The following CAPN8 variants were observed in gnomAD, a reference collection of about 807,000 sequenced individuals.
CAPN8 encodes calpain-8.
CAPN8 carries 87 observed loss-of-function variants against 80.9 expected under a neutral mutation model. The ratio of observed to expected loss-of-function variants is 1.07; its 90% CI spans 0.90 to 1.28. CAPN8 has a LOEUF of 1.28. Among genes scored for constraint, CAPN8 ranks in the 50% most tolerant of loss-of-function variants. The probability of loss-of-function intolerance (pLI) is 0.00; values close to 1 mark genes in which losing one functional copy is unlikely to be tolerated. For synonymous variants in CAPN8, 299 were observed against 273.8 expected, an observed-to-expected ratio of 1.09 and a Z score of -0.91; for missense variants, 757 against 702.0, an observed-to-expected ratio of 1.08 and a Z score of -0.89.
chr1:223,643,084 T>C (rs1265347259), intron 2 of CAPN8, among the ~76,000 whole-genome samples: 1 of 152,224 alleles, frequency 6.6e-6, no homozygotes, highest in East Asian at 1.9e-4. Context: ...ATTATAATGC[T>C]CTTTGGTTTC....
intron 6 of CAPN8, among the ~76,000 whole-genome samples, chr1:223,624,921 C>T (rs1657518739): frequency 6.6e-6 from 1 of 151,564 alleles, no homozygotes; most frequent in Non-Finnish European, 1.5e-5. Context: ...AGTGAAACCC[C>T]GTCTCTACTA....
chr1:223,548,623 A>T (rs987247651), intron 16 of CAPN8, among the ~76,000 whole-genome samples: 26 of 152,204 alleles, frequency 1.7e-4, no homozygotes, highest in Non-Finnish European at 4.4e-5. Flanking sequence ...TCTATGAACT[A>T]GGAAACTGGC....
intron 6 of CAPN8, 70 bp downstream of exon 6, chr1:223,625,735 C>A: frequency 7.3e-7 from 1 of 1,364,352 alleles, no homozygotes; most frequent in Non-Finnish European, 1.0e-6. Flanking sequence ...CTCTTTCCTC[C>A]TGTCGAGATG....
intron 1 of CAPN8, among the ~76,000 whole-genome samples, chr1:223,662,913 A>G (rs1214319094): frequency 6.6e-6 from 1 of 152,226 alleles, no homozygotes; most frequent in Non-Finnish European, 1.5e-5. Context: ...AAGATCTTAG[A>G]GGATAAGTCT....
chr1:223,612,199 A>C (rs1037466522), intron 11 of CAPN8, 47 bp downstream of exon 11: 8 of 1,233,486 alleles, frequency 6.5e-6, no homozygotes, highest in Middle Eastern at 2.1e-4. Flanking sequence ...GAAGGCAGCC[A>C]AGCTATTTCT....
chr1:223,632,803 T>G (rs1657809999), intron 2 of CAPN8, among the ~76,000 whole-genome samples: 1 of 152,254 alleles, frequency 6.6e-6, no homozygotes, highest in South Asian at 2.1e-4. Context: ...GAGCTAGGGC[T>G]GCTCAGGAGT....
At chr1:223,621,867 T>A (rs552884163) in intron 7 of CAPN8, among the ~76,000 whole-genome samples, 84 of 152,210 alleles carry the variant, frequency 5.5e-4, no homozygotes, top group African/African-American at 1.9e-3. Flanking sequence ...CTAATTATTT[T>A]TTTTTTTTAA....
chr1:223,629,936 TG>T (rs1294427363), intron 2 of CAPN8, among the ~76,000 whole-genome samples: 1 of 152,240 alleles, frequency 6.6e-6, no homozygotes, highest in African/African-American at 2.4e-5. Context: ...TTTCAATGTG[TG>T]TTCAGATGGA....
intron 20 of CAPN8, 128 bp from the exon 21 acceptor site, chr1:223,541,987 A>T (rs777214612): frequency 1.3e-4 from 191 of 1,434,706 alleles, no homozygotes; most frequent in Non-Finnish European, 1.8e-4. Flanking sequence ...GCCTTGCTCA[A>T]ACATGGGAAG....
chr1:223,632,962 C>A (rs1657814693), intron 2 of CAPN8, among the ~76,000 whole-genome samples: 1 of 152,190 alleles, frequency 6.6e-6, no homozygotes, highest in African/African-American at 2.4e-5. Context: ...AAAGTCCACA[C>A]TGTGCTTGGA....
intron 2 of CAPN8, among the ~76,000 whole-genome samples, chr1:223,640,081 C>A (rs1658007145): frequency 6.6e-6 from 1 of 152,182 alleles, no homozygotes; most frequent in African/African-American, 2.4e-5. Context: ...TTCATCCTCA[C>A]TTTCCAATTG....
chr1:223,658,080 A>G (rs1262278526), intron 1 of CAPN8, among the ~76,000 whole-genome samples: 1 of 152,100 alleles, frequency 6.6e-6, no homozygotes, highest in Non-Finnish European at 1.5e-5. Flanking sequence ...ACCCTCTGAG[A>G]TTATCCCATT....
chr1:223,550,867 G>A (rs997259309), intron 15 of CAPN8, 93 bp downstream of exon 15: 4 of 668,944 alleles, frequency 6.0e-6, no homozygotes, highest in African/African-American at 1.8e-5. Flanking sequence ...TCTCCCACCT[G>A]TGGTGCTGCC....
chr1:223,547,976 G>C (rs1656669862), intron 16 of CAPN8, among the ~76,000 whole-genome samples: 2 of 152,216 alleles, frequency 1.3e-5, no homozygotes, highest in Admixed American at 1.3e-4. Context: ...CCAGCCTCAT[G>C]CAGGGAGTGG....
intron 16 of CAPN8, among the ~76,000 whole-genome samples, 156 bp downstream of exon 16, chr1:223,549,162 G>A (rs1280563425): frequency 6.6e-6 from 1 of 151,986 alleles, no homozygotes; most frequent in African/African-American, 2.4e-5. Context: ...ATTTTCCTTT[G>A]AGGCTTCAAG....
intron 2 of CAPN8, among the ~76,000 whole-genome samples, chr1:223,644,689 G>A (rs1658140485): frequency 6.6e-6 from 1 of 152,152 alleles, no homozygotes; most frequent in Non-Finnish European, 1.5e-5. Flanking sequence ...AGTCTGGGAA[G>A]GTCTCCCGGC....
intron 20 of CAPN8, among the ~76,000 whole-genome samples, chr1:223,542,200 T>C (rs1235840252): frequency 6.6e-6 from 1 of 152,116 alleles, no homozygotes; most frequent in Non-Finnish European, 1.5e-5. Flanking sequence ...TGTGTGTATA[T>C]ATATATCCCT....
chr1:223,550,699 T>C (rs1367342425), intron 15 of CAPN8, among the ~76,000 whole-genome samples: 1 of 152,178 alleles, frequency 6.6e-6, no homozygotes, highest in Non-Finnish European at 1.5e-5. Context: ...CAATTTCACT[T>C]GACACTATGG....
rs1312729394 is a variant in CAPN8 at position 223,619,427 on chromosome 1, T to C, written c.1001A>G (p.Gln334Arg). The C allele has an allele frequency of 3.9e-6, 6 of 1,551,460 alleles. No homozygotes were observed. Among genetic ancestry groups the C allele is most frequent in the Non-Finnish European group, 5.2e-6 (6 of 1,146,970 alleles). ...GTTGCAGATCTCCAACCGAGAGAACTGCCTCACGAAATCTGAAAGTGACAT... is the reference window on the plus strand; with the variant it reads ...GTTGCAGATCTCCAACCGAGAGAACCGCCTCACGAAATCTGAAAGTGACAT... ...FWMSLSDFVR[Q>R]FSRLEICNLS... is the part of the protein sequence containing the mutation. The change falls in exon 9 of 21, where the codon CAG becomes CGG. Residue 334 changes from glutamine to arginine, a missense_variant. Transcript: ENST00000366872.
Sources: gnomAD v4.1 joint callset for allele counts (sites outside exome capture counted in the v4.1 genomes callset) on GRCh38, gnomAD v4.1.1 for gene constraint, MANE v1.5 for transcripts, NCBI Gene and HGNC (gene_info 2026-07-23, HGNC 2026-07-21) for gene names.